Variants in ZNF69 observed in about 807,000 individuals in gnomAD.
ZNF69 encodes the protein zinc finger protein 69.
A neutral mutation model predicts 50.9 loss-of-function variants in ZNF69; 47 were observed. The ratio of observed to expected loss-of-function variants is 0.92; its 90% CI spans 0.73 to 1.18. ZNF69 has a LOEUF of 1.18. ZNF69 is among the 50% of genes most tolerant of loss of function. The pLI is 0.00. For synonymous variants in ZNF69, 216 were observed against 223.1 expected, an observed-to-expected ratio of 0.97 and a Z score of 0.29; for missense variants, 717 against 675.1, an observed-to-expected ratio of 1.06 and a Z score of -0.69.
chr19:11,979,607 C>T, the ZNF69 span: 8,427 of 1,605,312 alleles, frequency 5.2e-3, 350 homozygotes, highest in African/African-American at 0.092. Flanking sequence ...TGAAAGGACT[C>T]ACACTGGAGA....
At chr19:11,963,473 C>G in the ZNF69 span, among the ~76,000 whole-genome samples, 1,089 of 152,278 alleles carry the variant, frequency 7.2e-3, 8 homozygotes, top group South Asian at 0.02. Flanking sequence ...ATACTCTCAT[C>G]CTTTGACCCC....
Position 11,906,163 on chromosome 19 carries a change from C to T in ZNF69, c.*65C>T, listed in dbSNP as rs569513945. On this transcript the variant is annotated 3_prime_UTR_variant, in exon 4 of 4. Transcript: ENST00000429654. The stretch of plus-strand genomic sequence containing the variant: ...GGTAGGACACACAATCAAGAGAAAC[C>T]ATGAATGTAAAGAATGTGGGAAACC... 8 of 1,572,526 alleles carry T rather than the reference C, an allele frequency of 5.1e-6. No homozygotes were observed. In the South Asian group the frequency reaches 6.0e-5, roughly 12 times the overall value.
the ZNF69 span, among the ~76,000 whole-genome samples, chr19:11,923,691 C>A: frequency 6.6e-6 from 1 of 152,228 alleles, no homozygotes; most frequent in Non-Finnish European, 1.5e-5. Flanking sequence ...ATTTTTCCTC[C>A]CCCACTTTAT....
the ZNF69 span, among the ~76,000 whole-genome samples, chr19:11,942,760 T>C: frequency 6.6e-6 from 1 of 152,212 alleles, no homozygotes; most frequent in African/African-American, 2.4e-5. Context: ...TACAAGTGGT[T>C]AGGTCAGGAG....
At chr19:11,909,471 C>T (rs1029890018), downstream of ZNF69, among the ~76,000 whole-genome samples, 63 of 152,294 alleles carry the variant, frequency 4.1e-4, no homozygotes, top group Admixed American at 2.4e-3. Flanking sequence ...TTATCCACCA[C>T]GATCAAGTTG....
At chr19:11,975,560 G>A in the ZNF69 span, among the ~76,000 whole-genome samples, 13 of 152,122 alleles carry the variant, frequency 8.5e-5, no homozygotes, top group South Asian at 2.3e-3. Flanking sequence ...ACCGCGTCCA[G>A]CCAATTTTTC....
At chr19:11,978,239 A>G in the ZNF69 span, 4 of 1,613,942 alleles carry the variant, frequency 2.5e-6, no homozygotes, top group South Asian at 1.1e-5. Context: ...AAGCAAAATC[A>G]TGTGATAACT....
In ZNF69 at chr19:11,906,399, A is replaced by G. The variant is rs1223694683; in HGVS notation, c.*301A>G. The G allele has an allele frequency of 9.5e-6, 5 of 523,650 alleles. No homozygotes were observed. The highest frequency in any genetic ancestry group is 1.4e-5 in the Non-Finnish European group (5 of 368,540). 32.4% of individuals were successfully genotyped at this position (523,650 alleles called of 1,614,324 possible). A position where few individuals can be genotyped will look rare whatever the true frequency, so the allele number is the denominator to read the frequency against. On this transcript the variant is annotated 3_prime_UTR_variant, in exon 4 of 4. Coordinates refer to ENST00000429654, the MANE Select transcript of ZNF69 (RefSeq NM_001364730.1). ...TCCTCAAGTGGGTCCCTGATCTCCA[A>G]GTAGCCTAACTGGGAGGCACTTCCC...
At chr19:11,897,744 C>G (rs394142) in intron 1 of ZNF69, among the ~76,000 whole-genome samples, 1 of 149,454 alleles carries the variant, frequency 6.7e-6, no homozygotes, top group East Asian at 2.0e-4. Context: ...TGGTGGTGGG[C>G]GCCTGTAGTC....
exon 5 of ZNF69, chr19:11,913,575 G>A (rs939976017): frequency 5.4e-5 from 19 of 353,618 alleles, no homozygotes; most frequent in Non-Finnish European, 7.7e-5. Context: ...TTTTTTAGTA[G>A]AGACAGGGTT....
At chr19:11,948,367 C>T in the ZNF69 span, 2 of 1,613,786 alleles carry the variant, frequency 1.2e-6, no homozygotes, top group African/African-American at 1.3e-5. Context: ...ACTGAACTTC[C>T]AGGAGAAGAA....
the ZNF69 span, chr19:11,976,863 AAAC>A: frequency 1.9e-5 from 28 of 1,461,632 alleles, no homozygotes; most frequent in South Asian, 4.5e-5. Flanking sequence ...ATCCATCTCA[AAAC>A]AACAACAACA....
the ZNF69 span, chr19:11,949,858 A>G: frequency 6.2e-7 from 1 of 1,614,108 alleles, no homozygotes; most frequent in Non-Finnish European, 8.5e-7. Context: ...AAAGCATGGT[A>G]GGACTCACAC....
chr19:11,953,788 AAAC>A, the ZNF69 span, among the ~76,000 whole-genome samples: 1 of 152,228 alleles, frequency 6.6e-6, no homozygotes, highest in Non-Finnish European at 1.5e-5. Flanking sequence ...CCCTGGATGA[AAAC>A]AAATACATAC....
Position 11,889,068 on chromosome 19 carries a change from G to T in ZNF69, c.63+1082G>T, listed in dbSNP as rs1977017843. 4.6e-5 allele frequency among the ~76,000 whole-genome samples: 7 copies of T among 152,276 alleles called. No individual in the cohort carries two copies. The South Asian group carries it at 1.4e-3, about 32-fold the overall frequency. On this transcript the variant is annotated intron_variant, in intron 1 of 3. Transcript: ENST00000429654. ...GGGATTCTGTAGGTGGCAGCTGGTTGAGAGTGTGAAGCTTTGTCTAAAGTT... is the reference window on the plus strand; with the variant it reads ...GGGATTCTGTAGGTGGCAGCTGGTTTAGAGTGTGAAGCTTTGTCTAAAGTT...
chr19:11,946,858 C>G, the ZNF69 span: 1 of 261,936 alleles, frequency 3.8e-6, no homozygotes, highest in African/African-American at 2.3e-5. Flanking sequence ...AGGTCACTCA[C>G]GCGTGGTGGT....
chr19:11,903,794 A>G, intron 2 of ZNF69, 95 bp downstream of exon 2: 1 of 1,603,148 alleles, frequency 6.2e-7, no homozygotes, highest in Non-Finnish European at 8.5e-7. Context: ...GACAGGAAAT[A>G]CTTTGATGAA....
At chr19:11,965,999 G>A in the ZNF69 span, among the ~76,000 whole-genome samples, 1 of 152,100 alleles carries the variant, frequency 6.6e-6, no homozygotes, top group African/African-American at 2.4e-5. Context: ...TCTAAAGTTT[G>A]GAGGAGGTAG....
At chr19:11,977,569 T>A in the ZNF69 span, 1 of 1,156,840 alleles carries the variant, frequency 8.6e-7, no homozygotes, top group Non-Finnish European at 1.2e-6. Context: ...AATCATATAT[T>A]TACATGTGAC....
Sources: allele counts gnomAD v4.1 joint callset (sites outside exome capture counted in the v4.1 genomes callset), GRCh38; gene constraint gnomAD v4.1.1; transcripts MANE v1.5; gene names NCBI Gene and HGNC (gene_info 2026-07-23, HGNC 2026-07-21).